Variants in CLEC7A observed in about 807,000 individuals in gnomAD.
CLEC7A encodes the protein C-type lectin domain family 7 member A.
In CLEC7A, 25 loss-of-function variants were observed where a neutral mutation model predicts 26.9. The observed-to-expected ratio is 0.93, with a 90% CI of 0.68 to 1.30. The LOEUF (loss-of-function observed/expected upper bound fraction) is 1.30, where lower values mean the gene tolerates loss of function less well. CLEC7A is among the 50% of genes most tolerant of loss of function. The pLI is 0.00. For missense variants in CLEC7A, 275 were observed against 286.7 expected, an observed-to-expected ratio of 0.96 and a Z score of 0.29; for synonymous variants, 100 against 99.5, an observed-to-expected ratio of 1.01 and a Z score of -0.03.
chr12:10,126,648 T>C lies in CLEC7A; in HGVS notation c.263A>G (p.Asn88Ser). ...TGTGGGTTGACTGTGGTTCTCTTTA[T>C]TTCTTGATAGAAAGTAGCCATTCTC... is the stretch of plus-strand genomic sequence containing the variant. ...TLENGYFLSR[N>S]KENHSQPTQS... The change falls in exon 3 of 6, where the codon AAT becomes AGT. Residue 88 changes from asparagine to serine, a missense_variant. Asn to Ser is a conservative substitution (Grantham distance 46). Coordinates refer to ENST00000304084, the MANE Select transcript of CLEC7A (RefSeq NM_197947.3). 1 of 1,613,094 alleles carries C rather than the reference T, an allele frequency of 6.2e-7. No individual in the cohort carries two copies. Among genetic ancestry groups the C allele is most frequent in the Non-Finnish European group, 8.5e-7 (1 of 1,179,608 alleles).
chr12:10,117,530 CAAAAAAAAAAAA>C lies in CLEC7A; in HGVS notation c.*916_*927del, dbSNP rs138543476. The C allele has an allele frequency of 1.8e-5, 1 of 57,024 alleles. No individual in the cohort carries two copies. The highest frequency in any genetic ancestry group is 3.7e-5 in the Non-Finnish European group (1 of 27,142). The allele number at this position is 57,024 out of a possible 1,614,324, so 3.5% of individuals were successfully genotyped here. On this transcript the variant is annotated 3_prime_UTR_variant, in exon 6 of 6. Transcript: ENST00000304084. ...GGGCAACAAGAGCGAAACTCTGTCT[CAAAAAAAAAAAA>C]AAAAAAAAAGATTCTATTAGAGATA...
At chr12:10,121,852 C>T (rs11053605) in intron 5 of CLEC7A, among the ~76,000 whole-genome samples, 19,987 of 151,714 alleles carry the variant, frequency 0.13, 1,737 homozygotes, top group African/African-American at 0.25. Flanking sequence ...ACTAAATATA[C>T]AAAAAATTAG....
intron 4 of CLEC7A, among the ~76,000 whole-genome samples, 176 bp from the exon 5 acceptor site, chr12:10,123,539 A>G (rs1205218719): frequency 6.6e-6 from 1 of 151,526 alleles, no homozygotes; most frequent in Non-Finnish European, 1.5e-5. Flanking sequence ...AGGCGGGTAG[A>G]TCATGAGGTC....
chr12:10,128,207 AACACAC>A (rs71860807), intron 1 of CLEC7A, among the ~76,000 whole-genome samples: 57,824 of 132,580 alleles, frequency 0.44, 12,789 homozygotes, highest in Middle Eastern at 0.65. Flanking sequence ...ACCCTGTTAA[AACACAC>A]ACACACACAC....
At chr12:10,128,244 A>ACACAC (rs1250491798) in intron 1 of CLEC7A, among the ~76,000 whole-genome samples, 5 of 89,984 alleles carry the variant, frequency 5.6e-5, no homozygotes, top group African/African-American at 2.1e-4. Context: ...ACACACACAC[A>ACACAC]CACCACCAAC....
In CLEC7A at chr12:10,129,865, G is replaced by A. The variant is rs1163665730; in HGVS notation, c.103+115C>T. The A allele has an allele frequency of 2.3e-5, 13 of 569,394 alleles. No individual in the cohort carries two copies. In the East Asian group the frequency reaches 2.7e-4, roughly 12 times the overall value. 35.3% of individuals were successfully genotyped at this position (569,394 alleles called of 1,614,324 possible). A position where few individuals can be genotyped will look rare whatever the true frequency, so the allele number is the denominator to read the frequency against. ...ACTCCTGACCTCAGTCAATCCACCC[G>A]CCTCGGCCTCCCAAAGTGCTGGGAT... On this transcript the variant is annotated intron_variant, in intron 1 of 5. Coordinates refer to ENST00000304084, the MANE Select transcript of CLEC7A (RefSeq NM_197947.3).
At chr12:10,122,185 G>T (rs1434846309) in intron 5 of CLEC7A, among the ~76,000 whole-genome samples, 2 of 147,478 alleles carry the variant, frequency 1.4e-5, no homozygotes, top group African/African-American at 5.3e-5. Flanking sequence ...ACACACAGGT[G>T]TGCACACACA....
intron 2 of CLEC7A, chr12:10,127,098 T>A: frequency 7.6e-7 from 1 of 1,311,620 alleles, no homozygotes; most frequent in Non-Finnish European, 1.0e-6. Flanking sequence ...ACCTATAACA[T>A]AGAACGCACT....
At position 10,120,268 on chromosome 12, in the gene CLEC7A, A is replaced by G. The variant is rs1034969731; in HGVS notation, c.612-1678T>C. Among the ~76,000 whole-genome samples, 11 of 152,356 alleles carry G rather than the reference A, an allele frequency of 7.2e-5. 1 individual carries two copies. In the South Asian group the frequency reaches 2.1e-3, roughly 29 times the overall value. On this transcript the variant is annotated intron_variant, in intron 5 of 5. Transcript: ENST00000304084. The stretch of plus-strand genomic sequence containing the variant: ...GAAAAAAGATGGGGAAAAGCAAAAT[A>G]TGAAGCAAGTATGGCTGAGAATTTT...
At chr12:10,118,793 TA>T (rs560827000) in intron 5 of CLEC7A, among the ~76,000 whole-genome samples, 1 of 152,140 alleles carries the variant, frequency 6.6e-6, no homozygotes, top group Non-Finnish European at 1.5e-5. Context: ...AAAAACGACT[TA>T]ATTTTTTTTC....
chr12:10,122,000 T>G (rs1176925515), intron 5 of CLEC7A, among the ~76,000 whole-genome samples: 10 of 152,180 alleles, frequency 6.6e-5, no homozygotes. Flanking sequence ...AGTGAGACTC[T>G]GTCTCAAAAA....
chr12:10,128,207 AACACACACACACACACACAC>A (rs71860807), intron 1 of CLEC7A, among the ~76,000 whole-genome samples: 1 of 132,786 alleles, frequency 7.5e-6, no homozygotes, highest in African/African-American at 3.0e-5. Flanking sequence ...ACCCTGTTAA[AACACACACACACACACACAC>A]ACACACACAC....
chr12:10,126,024 G>T, intron 3 of CLEC7A: 1 of 221,118 alleles, frequency 4.5e-6, no homozygotes, highest in Non-Finnish European at 7.6e-6. Context: ...AGTCAAGTGT[G>T]TATAGAATTG....
rs562749381 is a variant in CLEC7A, at chr12:10,130,076, A to C, written c.7T>G (p.Tyr3Asp). The C allele has an allele frequency of 6.4e-7, 1 of 1,555,298 alleles. No homozygotes were observed. Among genetic ancestry groups the C allele is most frequent in the South Asian group, 1.1e-5 (1 of 89,484 alleles). ME[Y>D]HPDLENLDED... ...TCCAAATTTTCTAAATCAGGATGAT[A>C]TTCCATTGTTCTTGAGAGCCCCTGA... The change falls in exon 1 of 6, where the codon TAT becomes GAT. Residue 3 changes from tyrosine to aspartate, a missense_variant. Physicochemically the swap from Tyr to Asp is radical, Grantham distance 160. Transcript: ENST00000304084.
At chr12:10,129,862 C>T in intron 1 of CLEC7A, 118 bp downstream of exon 1, 1 of 561,270 alleles carries the variant, frequency 1.8e-6, no homozygotes, top group Non-Finnish European at 3.2e-6. Context: ...AGTCAATCCA[C>T]CCGCCTCGGC....
At chr12:10,123,402 G>GAGAGAA (rs61531383) in intron 4 of CLEC7A, 39 bp from the exon 5 acceptor site, 106,727 of 1,111,064 alleles carry the variant, frequency 0.096, 6,829 homozygotes, top group African/African-American at 0.25. Context: ...TAAAGAGAGA[G>GAGAGAA]AGAGAGAGAG....
At chr12:10,129,041 G>A (rs1021787227) in intron 1 of CLEC7A, among the ~76,000 whole-genome samples, 2 of 152,162 alleles carry the variant, frequency 1.3e-5, no homozygotes, top group Non-Finnish European at 2.9e-5. Context: ...TAGGAGAATC[G>A]TAGAGTAGGC....
At chr12:10,127,714 G>A (rs777896838) in intron 2 of CLEC7A, 33 bp downstream of exon 2, 57 of 1,387,546 alleles carry the variant, frequency 4.1e-5, no homozygotes, top group Non-Finnish European at 5.3e-5. Context: ...TTACTAAATT[G>A]TCTGTTGTTA....
intron 4 of CLEC7A, 84 bp downstream of exon 4, chr12:10,125,199 AGACTTCATTTTAGG>A (rs1591955177): frequency 6.4e-6 from 7 of 1,090,432 alleles, no homozygotes; most frequent in South Asian, 1.5e-5. Context: ...AAAAAAAAAA[AGACTTCATTTTAGG>A]AAAAATTGTC....
Sources: allele counts gnomAD v4.1 joint callset (sites outside exome capture counted in the v4.1 genomes callset), GRCh38; gene constraint gnomAD v4.1.1; transcripts MANE v1.5; gene names NCBI Gene and HGNC (gene_info 2026-07-23, HGNC 2026-07-21).